COLQ: variants seen among roughly 807,000 people sequenced by gnomAD.
The protein encoded by COLQ is collagen like tail subunit of asymmetric acetylcholinesterase.
In COLQ, 48 loss-of-function variants were observed where a neutral mutation model predicts 69.0. The observed-to-expected ratio is 0.70, with a 90% confidence interval of 0.55 to 0.88. The LOEUF is 0.88. Ranked by LOEUF, COLQ falls within the 40% of genes least tolerant of loss-of-function variation. The probability of loss-of-function intolerance (pLI) is 0.00; values close to 1 mark genes in which losing one functional copy is unlikely to be tolerated. For synonymous variants in COLQ, 217 were observed against 211.2 expected, an observed-to-expected ratio of 1.03 and a Z score of -0.24; for missense variants, 618 against 594.6, an observed-to-expected ratio of 1.04 and a Z score of -0.41.
chr3:15,516,151 T>C (rs997026705), intron 1 of COLQ, among the ~76,000 whole-genome samples: 4 of 152,238 alleles, frequency 2.6e-5, no homozygotes, highest in Admixed American at 6.5e-5. Flanking sequence ...GAATCCTCTC[T>C]GATTTTATTA....
intron 3 of COLQ, among the ~76,000 whole-genome samples, chr3:15,479,730 A>T (rs2062445894): frequency 6.6e-6 from 1 of 152,190 alleles, no homozygotes; most frequent in South Asian, 2.1e-4. Flanking sequence ...TTTGCTGAAA[A>T]CAAGAGGCTT....
chr3:15,501,322 C>T lies in COLQ; in HGVS notation c.107-11685G>A, dbSNP rs572520786. On this transcript the variant is annotated intron_variant, in intron 1 of 16. Coordinates refer to ENST00000383788, the MANE Select transcript of COLQ (RefSeq NM_005677.4). ...TGTCCCTGCTGCTGCCACACACAGG[C>T]CTGTTCCCTGCCGATGGGGCTGAAG... 3.9e-5 allele frequency among the ~76,000 whole-genome samples: 6 copies of T among 152,334 alleles called. No individual in the cohort carries two copies. In the South Asian group the frequency reaches 6.2e-4, roughly 16 times the overall value.
In COLQ at chr3:15,509,720, G is replaced by T. The variant is rs78519589; in HGVS notation, c.106+11800C>A. Among the ~76,000 whole-genome samples, 339 of 152,272 alleles carry T rather than the reference G, an allele frequency of 2.2e-3. 2 individuals carry two copies. Among genetic ancestry groups the T allele is most frequent in the African/African-American group, 7.1e-3 (297 of 41,552 alleles). ...TGGATTGTATATTCCCCTTTTCCAG[G>T]TGAGGAAAATTGATTCTATGATATC... On this transcript the variant is annotated intron_variant, in intron 1 of 16. Transcript: ENST00000383788.
At chr3:15,476,906 T>C (rs984142976) in intron 6 of COLQ, among the ~76,000 whole-genome samples, 7 of 152,192 alleles carry the variant, frequency 4.6e-5, no homozygotes, top group African/African-American at 1.7e-4. Context: ...CAGCCCCCTA[T>C]TTCTCCTCCC....
At chr3:15,513,261 G>A (rs929289694) in intron 1 of COLQ, among the ~76,000 whole-genome samples, 7 of 152,210 alleles carry the variant, frequency 4.6e-5, no homozygotes, top group Admixed American at 3.3e-4. Context: ...GGCGATGGAG[G>A]CAAGGAACTG....
At chr3:15,511,502 A>C (rs1575497147) in intron 1 of COLQ, among the ~76,000 whole-genome samples, 1 of 152,280 alleles carries the variant, frequency 6.6e-6, no homozygotes, top group Non-Finnish European at 1.5e-5. Context: ...TCGGCCCTTC[A>C]ATCCTCACTT....
At chr3:15,482,392 C>G (rs1211798682) in intron 3 of COLQ, among the ~76,000 whole-genome samples, 24 of 152,168 alleles carry the variant, frequency 1.6e-4, no homozygotes, top group Non-Finnish European at 2.4e-4. Flanking sequence ...CCATCAATAC[C>G]TAGTTTATTG....
intron 16 of COLQ, among the ~76,000 whole-genome samples, chr3:15,453,606 C>T (rs1023965687): frequency 1.3e-5 from 2 of 152,148 alleles, no homozygotes; most frequent in African/African-American, 4.8e-5. Context: ...GAGCAGGTGG[C>T]TGTGGGTGCC....
intron 3 of COLQ, among the ~76,000 whole-genome samples, chr3:15,483,018 C>T: frequency 6.6e-6 from 1 of 152,148 alleles, no homozygotes; most frequent in East Asian, 1.9e-4. Flanking sequence ...ATAGTGTTTT[C>T]TTATGGTAGT....
chr3:15,502,684 G>A (rs1421340233), intron 1 of COLQ, among the ~76,000 whole-genome samples: 1 of 152,194 alleles, frequency 6.6e-6, no homozygotes, highest in Non-Finnish European at 1.5e-5. Context: ...AAACTGCCAA[G>A]ATTACAGGTG....
chr3:15,512,175 A>G (rs1321291573), intron 1 of COLQ, among the ~76,000 whole-genome samples: 1 of 152,180 alleles, frequency 6.6e-6, no homozygotes, highest in Non-Finnish European at 1.5e-5. Flanking sequence ...GTACAGAAGG[A>G]TGAGTGAGGA....
intron 3 of COLQ, among the ~76,000 whole-genome samples, chr3:15,482,653 A>G (rs539106458): frequency 6.6e-6 from 1 of 152,232 alleles, no homozygotes; most frequent in South Asian, 2.1e-4. Context: ...TTCATCAGGG[A>G]TATTGATTTA....
intron 5 of COLQ, 138 bp from the exon 6 acceptor site, chr3:15,477,335 A>G (rs532999023): frequency 2.8e-6 from 2 of 719,308 alleles, no homozygotes; most frequent in East Asian, 2.7e-5. Flanking sequence ...CCACTCTCCG[A>G]AGACTGATGG....
intron 12 of COLQ, among the ~76,000 whole-genome samples, chr3:15,461,883 C>T (rs1283625702): frequency 1.3e-5 from 2 of 151,764 alleles, no homozygotes; most frequent in Admixed American, 6.6e-5. Context: ...TTTTTTCCCC[C>T]CCGAGAATGG....
chr3:15,472,105 A>G (rs1203593293), intron 10 of COLQ, among the ~76,000 whole-genome samples: 1 of 152,178 alleles, frequency 6.6e-6, no homozygotes, highest in Non-Finnish European at 1.5e-5. Flanking sequence ...CTGTCTTAAA[A>G]CAGCCTGTCA....
chr3:15,508,407 T>A (rs1291708672), intron 1 of COLQ, among the ~76,000 whole-genome samples: 1 of 152,172 alleles, frequency 6.6e-6, no homozygotes, highest in Non-Finnish European at 1.5e-5. Flanking sequence ...AGTGGTAGAG[T>A]CTGACTTGAA....
chr3:15,466,196 G>A (rs746435493), intron 12 of COLQ, 145 bp downstream of exon 12: 9 of 629,968 alleles, frequency 1.4e-5, no homozygotes, highest in Middle Eastern at 3.9e-4. Context: ...GAGCTAAATC[G>A]TGGAGAAATT....
intron 6 of COLQ, 114 bp from the exon 7 acceptor site, chr3:15,475,601 T>A: frequency 2.0e-6 from 2 of 990,310 alleles, no homozygotes; most frequent in Non-Finnish European, 1.6e-6. Flanking sequence ...GGCTTGTAAA[T>A]CTGAGGACCC....
intron 1 of COLQ, among the ~76,000 whole-genome samples, chr3:15,501,739 G>C (rs894965375): frequency 4.6e-5 from 7 of 152,226 alleles, no homozygotes; most frequent in Non-Finnish European, 1.0e-4. Context: ...CCACCCTTGA[G>C]AACTGATCAA....
Sources: allele counts gnomAD v4.1 joint callset (sites outside exome capture counted in the v4.1 genomes callset), GRCh38; gene constraint gnomAD v4.1.1; transcripts MANE v1.5; gene names NCBI Gene and HGNC (gene_info 2026-07-23, HGNC 2026-07-21).